The following ARHGEF40 variants were observed in gnomAD, a reference collection of about 807,000 sequenced individuals.
ARHGEF40 encodes the protein Rho guanine nucleotide exchange factor (GEF) 40.
In ARHGEF40, 98 loss-of-function variants were observed where a neutral mutation model predicts 165.9. The observed-to-expected ratio is 0.59, with a 90% confidence interval of 0.50 to 0.70. The LOEUF is 0.70. Ranked by LOEUF, ARHGEF40 falls within the 30% of genes least tolerant of loss-of-function variation. ARHGEF40 has a pLI of 0.00. For missense variants in ARHGEF40, 1,815 were observed against 1,968.0 expected (o/e 0.92, Z 1.47); for synonymous variants, 792 against 814.3 (o/e 0.97, Z 0.47).
chr14:21,087,751 TCCTTATAGTTTCC>T, intron 21 of ARHGEF40: 1 of 718,204 alleles, frequency 1.4e-6, no homozygotes, highest in East Asian at 2.6e-5. Context: ...ACCACGGCAA[TCCTTATAGTTTCC>T]TGTCGCTTCT....
chr14:21,071,868 T>C (rs1886931248), intron 1 of ARHGEF40, among the ~76,000 whole-genome samples: 1 of 152,222 alleles, frequency 6.6e-6, no homozygotes, highest in African/African-American at 2.4e-5. Flanking sequence ...GTCTGCGCGC[T>C]GACGCACTGA....
chr14:21,070,193 T>C (rs1422756338), upstream of ARHGEF40: 8 of 282,760 alleles, frequency 2.8e-5, no homozygotes, highest in Non-Finnish European at 4.6e-5. This position sits in a 1 kb window ranked among gnomAD's most constrained non-coding sequence, Gnocchi z 4.7. Flanking sequence ...GGGCGGGCGC[T>C]GAAGGGCGGG....
At position 21,078,866 on chromosome 14, in the gene ARHGEF40, TCTC is replaced by T. The variant is rs1467682823; in HGVS notation, c.2247-17_2247-15del. 6.2e-7 allele frequency: 1 copy of T among 1,610,324 alleles called. No individual in the cohort carries two copies. Among genetic ancestry groups the T allele is most frequent in the Admixed American group, 1.7e-5 (1 of 59,960 alleles). Reference sequence around the variant, plus strand: ...CTCAACAAGGGAAATGATTCATTCTTCTCTGCTCCTTCCCAAGGCTGGAGGGCC... The same window carrying T: ...CTCAACAAGGGAAATGATTCATTCTTTGCTCCTTCCCAAGGCTGGAGGGCC... On this transcript the variant is annotated splice_polypyrimidine_tract_variant and intron_variant, in intron 10 of 23. Coordinates refer to ENST00000298694, the MANE Select transcript of ARHGEF40 (RefSeq NM_018071.5).
In ARHGEF40 at chr14:21,070,703, T is replaced by G. The variant is rs773921131; in HGVS notation, c.3+304T>G. The stretch of plus-strand genomic sequence containing the variant: ...CCCCGCCCTCCTCTGTCCTGACCTG[T>G]GCCTTCCTTTCCTGGAGCTTCCCTC... On this transcript the variant is annotated intron_variant, in intron 1 of 23. Transcript: ENST00000298694. This position sits in a 1 kb window ranked among gnomAD's most constrained non-coding sequence, Gnocchi z 4.7. 6 of 1,141,306 alleles carry G rather than the reference T, an allele frequency of 5.3e-6. No homozygotes were observed. In the Admixed American group the frequency reaches 8.4e-5, roughly 16 times the overall value. 70.7% of individuals were successfully genotyped at this position (1,141,306 alleles called of 1,614,324 possible). A position where few individuals can be genotyped will look rare whatever the true frequency, so the allele number is the denominator to read the frequency against.
chr14:21,080,595 G>A (rs1159310510), intron 11 of ARHGEF40, 65 bp from the exon 12 acceptor site: 4 of 1,537,686 alleles, frequency 2.6e-6, no homozygotes, highest in Non-Finnish European at 3.5e-6. Flanking sequence ...GGCTGATGCT[G>A]GATCTCAGCC....
chr14:21,076,939 A>C (rs1263402147), intron 8 of ARHGEF40, 49 bp downstream of exon 8: 6 of 1,505,060 alleles, frequency 4.0e-6, no homozygotes, highest in African/African-American at 2.8e-5. Context: ...GGAATAACCC[A>C]GCTGAAGACA....
rs1290885108 is a variant in ARHGEF40, at chr14:21,074,298, G to A, written c.568G>A (p.Glu190Lys). ...CATCTGTCCACGATTTGTGCACAAA[G>A]AGGGCCTCATGGTTGGACATCAGCC... is the stretch of plus-strand genomic sequence containing the variant. The part of the protein sequence containing the change: ...ELICPRFVHK[E>K]GLMVGHQPST... Residue 190 changes from glutamate to lysine, a missense_variant, in exon 3 of 24, where the codon GAG becomes AAG. By Grantham distance (56) the Glu-to-Lys change is moderately conservative. Coordinates refer to ENST00000298694, the MANE Select transcript of ARHGEF40 (RefSeq NM_018071.5). The surrounding 1 kb of genome is among the most constrained non-coding windows in gnomAD (Gnocchi z 4.8). 12 of 1,614,056 alleles carry A rather than the reference G, an allele frequency of 7.4e-6. No individual in the cohort carries two copies. In the African/African-American group the frequency reaches 1.6e-4, roughly 22 times the overall value.
chr14:21,064,917 T>C, the ARHGEF40 span, among the ~76,000 whole-genome samples: 1 of 152,128 alleles, frequency 6.6e-6, no homozygotes, highest in Non-Finnish European at 1.5e-5. Flanking sequence ...ATGCCTGTAA[T>C]CCCAGCACTT....
chr14:21,065,759 G>A (rs968984069), upstream of ARHGEF40, among the ~76,000 whole-genome samples: 1 of 152,134 alleles, frequency 6.6e-6, no homozygotes, highest in Non-Finnish European at 1.5e-5. Flanking sequence ...GAGCAAAAAG[G>A]TGCCAAATTA....
In ARHGEF40 at chr14:21,082,927, T is replaced by A. The variant is rs1888041567; in HGVS notation, c.3573+10T>A. 6.2e-7 allele frequency: 1 copy of A among 1,612,978 alleles called. No individual in the cohort carries two copies. Among genetic ancestry groups the A allele is most frequent in the Admixed American group, 1.7e-5 (1 of 59,996 alleles). The stretch of plus-strand genomic sequence containing the variant: ...CAGTCCCTTAAGCAAGGTAACTTTT[T>A]CTCCAACCTTCAGGAGAAAAGTAGA... On this transcript the variant is annotated intron_variant, in intron 16 of 23. Transcript: ENST00000298694.
In ARHGEF40 at chr14:21,088,761, G is replaced by A. The variant is rs1205416830; in HGVS notation, c.4519-69G>A. On this transcript the variant is annotated intron_variant, in intron 22 of 23. Coordinates refer to ENST00000298694, the MANE Select transcript of ARHGEF40 (RefSeq NM_018071.5). ...GGTGAATTGACAGGCTTGTGGGGAGGAATGGAGGAAAAGAGAGAGAAAGAC... is the reference window on the plus strand; with the variant it reads ...GGTGAATTGACAGGCTTGTGGGGAGAAATGGAGGAAAAGAGAGAGAAAGAC... The A allele has an allele frequency of 3.3e-6, 5 of 1,494,574 alleles. No individual in the cohort carries two copies. In the South Asian group the frequency reaches 3.5e-5, roughly 11 times the overall value. 92.6% of individuals were successfully genotyped at this position (1,494,574 alleles called of 1,614,324 possible). A position where few individuals can be genotyped will look rare whatever the true frequency, so the allele number is the denominator to read the frequency against.
At chr14:21,062,673 T>C in the ARHGEF40 span, among the ~76,000 whole-genome samples, 1 of 150,096 alleles carries the variant, frequency 6.7e-6, no homozygotes, top group Non-Finnish European at 1.5e-5. Context: ...CTAAGTAGAG[T>C]AGCTTTTAAA....
Position 21,081,860 on chromosome 14 carries a change from C to T in ARHGEF40, c.2992C>T (p.Pro998Ser), listed in dbSNP as rs750943378. 45 of 1,612,628 alleles carry T rather than the reference C, an allele frequency of 2.8e-5. No homozygotes were observed. In the East Asian group the frequency reaches 9.8e-4, roughly 35 times the overall value. The change falls in exon 14 of 24, where the codon CCT becomes TCT. Residue 998 changes from proline (P) to serine (S), a missense_variant. Transcript: ENST00000298694. Reference sequence around the variant, plus strand: ...CAGCTCCTTGCTGCTCCCCAGCAGCCCTGGGCCACGGCCAGCCCCATCCCA... The same window carrying T: ...CAGCTCCTTGCTGCTCCCCAGCAGCTCTGGGCCACGGCCAGCCCCATCCCA... ...SLSSLLLPSS[P>S]GPRPAPSHCS...
At chr14:21,061,740 A>G in the ARHGEF40 span, among the ~76,000 whole-genome samples, 1 of 152,254 alleles carries the variant, frequency 6.6e-6, no homozygotes. Context: ...TAGCGTTAAC[A>G]TGTTTGTATT....
upstream of ARHGEF40, among the ~76,000 whole-genome samples, chr14:21,066,232 T>C (rs1459932449): frequency 1.3e-5 from 2 of 151,568 alleles, no homozygotes; most frequent in African/African-American, 2.4e-5. Context: ...AAAGGAGAGA[T>C]AGGCAGAAAA....
Position 21,075,359 on chromosome 14 carries a change from C to G in ARHGEF40, c.1478C>G (p.Ser493Cys), listed in dbSNP as rs1365249365. 6.2e-7 allele frequency: 1 copy of G among 1,614,150 alleles called. No individual in the cohort carries two copies. The highest frequency in any genetic ancestry group is 1.7e-5 in the Admixed American group (1 of 60,034). The stretch of plus-strand genomic sequence containing the variant: ...CACACAGGCCCAGAAGGCCCCCTGT[C>G]TGACACTCCAACACCTCCGCTGGAG... ...AGHTGPEGPL[S>C]DTPTPPLETV... Residue 493 changes from serine (S) to cysteine (C), a missense_variant, in exon 4 of 24, where the codon TCT becomes TGT. Physicochemically the swap from Ser to Cys is moderately radical, Grantham distance 112 (BLOSUM62 -1). Coordinates refer to ENST00000298694, the MANE Select transcript of ARHGEF40 (RefSeq NM_018071.5). This position sits in a 1 kb window ranked among gnomAD's most constrained non-coding sequence, Gnocchi z 4.5.
At chr14:21,078,559 C>T (rs1339686631) in intron 10 of ARHGEF40, 71 bp downstream of exon 10, 1 of 1,426,228 alleles carries the variant, frequency 7.0e-7, no homozygotes, top group African/African-American at 1.4e-5. Flanking sequence ...TGCCAACAAA[C>T]CTTAGCTGCC....
rs1887168136 is a variant in ARHGEF40, at chr14:21,073,788, C to T, written c.202-144C>T. 6 of 936,036 alleles carry T rather than the reference C, an allele frequency of 6.4e-6. No individual in the cohort carries two copies. Among genetic ancestry groups the T allele is most frequent in the Non-Finnish European group, 9.4e-6 (6 of 638,682 alleles). The allele number at this position is 936,036 out of a possible 1,614,324, so 58.0% of individuals were successfully genotyped here. On this transcript the variant is annotated intron_variant, in intron 2 of 23. Coordinates refer to ENST00000298694, the MANE Select transcript of ARHGEF40 (RefSeq NM_018071.5). This position sits in a 1 kb window ranked among gnomAD's most constrained non-coding sequence, Gnocchi z 4.6. ...CCCTTCCTCTCTGCCACCTGAATAC[C>T]CCAAATCTCCCCTCCTGCTCTCCTG...
intron 20 of ARHGEF40, 50 bp downstream of exon 20, chr14:21,087,155 A>G (rs769575594): frequency 1.3e-6 from 2 of 1,599,680 alleles, no homozygotes; most frequent in African/African-American, 2.7e-5. Context: ...AGACCTTGAC[A>G]ATGAGGATAC....
Sources: gnomAD v4.1 joint callset for allele counts (sites outside exome capture counted in the v4.1 genomes callset) on GRCh38, gnomAD v4.1.1 for gene constraint, Gnocchi (gnomAD v3.1) non-coding constraint, MANE v1.5 for transcripts, NCBI Gene and HGNC (gene_info 2026-07-23, HGNC 2026-07-21) for gene names.